The following HIVEP1 variants were observed in gnomAD, a reference collection of about 807,000 sequenced individuals.
HIVEP1 encodes zinc finger protein 40.
In HIVEP1, 36 loss-of-function variants were observed where a neutral mutation model predicts 180.0. The ratio of observed to expected loss-of-function variants is 0.20; its 90% CI spans 0.15 to 0.26. HIVEP1 has a LOEUF of 0.26. HIVEP1 is among the 10% of genes least tolerant of loss of function. HIVEP1 has a pLI of 1.00. For missense variants in HIVEP1, 3,143 were observed against 3,268.7 expected (o/e 0.96, Z 0.94); for synonymous variants, 1,239 against 1,239.0 (o/e 1.00, Z 0.00).
the HIVEP1 span, among the ~76,000 whole-genome samples, chr6:12,203,319 G>C: frequency 5.9e-5 from 9 of 152,192 alleles, no homozygotes; most frequent in Non-Finnish European, 1.3e-4. Context: ...TGCTGGGGTC[G>C]GGTAGACGAA....
At position 12,158,875 on chromosome 6, in the gene HIVEP1, C is replaced by G. The variant is rs558826290; in HGVS notation, c.6488-2564C>G. On this transcript the variant is annotated intron_variant, in intron 7 of 8. Transcript: ENST00000379388. ...CCAGGTGTAGTTCCTTGCCACTCCT[C>G]TAGAGTTACTGCTTCTCTCCCCCAT... 2.8e-4 allele frequency among the ~76,000 whole-genome samples: 43 copies of G among 152,278 alleles called. 1 individual carries two copies. Among genetic ancestry groups the G allele is most frequent in the African/African-American group, 1.0e-3 (43 of 41,554 alleles).
rs566431846 is a variant in HIVEP1 at position 12,075,084 on chromosome 6, C to T, written c.41-14100C>T. ...AACCTGTGTCTTTCTCACACCGCCC[C>T]TTTCCTCAGGGCTGACTGCAGCAGT... On this transcript the variant is annotated intron_variant, in intron 2 of 8. Transcript: ENST00000379388. Among the ~76,000 whole-genome samples, 372 of 152,358 alleles carry T rather than the reference C, an allele frequency of 2.4e-3. 2 individuals are homozygous for T. Among genetic ancestry groups the T allele is most frequent in the Non-Finnish European group, 3.9e-3 (263 of 68,034 alleles).
intron 7 of HIVEP1, among the ~76,000 whole-genome samples, chr6:12,150,653 T>C (rs1283569016): frequency 6.6e-6 from 1 of 152,154 alleles, no homozygotes; most frequent in Non-Finnish European, 1.5e-5. Context: ...ATAATAGGCT[T>C]TAGGATTTAT....
chr6:12,112,395 A>AT (rs1198256353), intron 3 of HIVEP1, among the ~76,000 whole-genome samples: 2 of 150,146 alleles, frequency 1.3e-5, no homozygotes, highest in Non-Finnish European at 3.0e-5. Flanking sequence ...TTTTCTCAGT[A>AT]TTTTTTTTAT....
At chr6:12,075,179 A>G (rs1391913573) in intron 2 of HIVEP1, among the ~76,000 whole-genome samples, 1 of 152,200 alleles carries the variant, frequency 6.6e-6, no homozygotes, top group African/African-American at 2.4e-5. Context: ...GAAGTGTACC[A>G]TGTACATTGC....
chr6:12,190,017 AAAAGG>A, the HIVEP1 span, among the ~76,000 whole-genome samples: 1 of 152,194 alleles, frequency 6.6e-6, no homozygotes, highest in Non-Finnish European at 1.5e-5. Flanking sequence ...ATACTAAGTA[AAAAGG>A]AAAGCAAATT....
upstream of HIVEP1, among the ~76,000 whole-genome samples, chr6:12,010,113 C>T (rs1459375535): frequency 6.6e-6 from 1 of 152,186 alleles, no homozygotes; most frequent in Non-Finnish European, 1.5e-5. Flanking sequence ...TGGGAAGTTA[C>T]ATTATATACT....
At chr6:12,131,525 T>C (rs1483533748) in intron 6 of HIVEP1, among the ~76,000 whole-genome samples, 1 of 151,792 alleles carries the variant, frequency 6.6e-6, no homozygotes, top group Non-Finnish European at 1.5e-5. Context: ...ATCATTAAAA[T>C]TATATTTAGG....
intron 2 of HIVEP1, chr6:12,038,014 CTG>C (rs1291714467): frequency 2.2e-5 from 8 of 366,186 alleles, no homozygotes; most frequent in Non-Finnish European, 3.4e-5. Context: ...CGCACCTAGT[CTG>C]TGGTTTTTCT....
At chr6:12,045,272 G>C (rs1330128113) in intron 2 of HIVEP1, among the ~76,000 whole-genome samples, 1 of 152,198 alleles carries the variant, frequency 6.6e-6, no homozygotes, top group Non-Finnish European at 1.5e-5. Context: ...GGTCCTGGGA[G>C]GGTGCCCTGT....
intron 2 of HIVEP1, among the ~76,000 whole-genome samples, chr6:12,056,904 T>TTGGAG (rs1256354519): frequency 6.6e-6 from 1 of 152,068 alleles, no homozygotes; most frequent in Non-Finnish European, 1.5e-5. Context: ...TGGCATGATC[T>TTGGAG]TGGCTCACTG....
intron 2 of HIVEP1, among the ~76,000 whole-genome samples, chr6:12,017,716 TCCC>T (rs1767906147): frequency 6.6e-6 from 1 of 152,212 alleles, no homozygotes; most frequent in Non-Finnish European, 1.5e-5. Flanking sequence ...GTTCTCCAGG[TCCC>T]CACTAGATTA....
chr6:12,176,666 A>G, the HIVEP1 span, among the ~76,000 whole-genome samples: 2 of 152,120 alleles, frequency 1.3e-5, no homozygotes, highest in Admixed American at 6.6e-5. Flanking sequence ...ATCCTTTAAA[A>G]AGGATACAAA....
intron 2 of HIVEP1, among the ~76,000 whole-genome samples, chr6:12,057,556 A>G (rs886945606): frequency 3.3e-5 from 5 of 152,174 alleles, no homozygotes; most frequent in African/African-American, 9.7e-5. Flanking sequence ...GGTTACCTCC[A>G]TTGTTCTGTT....
intron 2 of HIVEP1, among the ~76,000 whole-genome samples, chr6:12,079,380 GCT>G (rs1326676723): frequency 6.6e-6 from 1 of 152,016 alleles, no homozygotes. Context: ...AAAAATATAG[GCT>G]CTGGCTTTGG....
intron 2 of HIVEP1, among the ~76,000 whole-genome samples, chr6:12,025,325 C>T (rs963706900): frequency 6.6e-6 from 1 of 151,778 alleles, no homozygotes; most frequent in Admixed American, 6.6e-5. Flanking sequence ...TTTTCTTAAG[C>T]CTTTAATTGT....
At chr6:12,007,781 C>G (rs1056093704), upstream of HIVEP1, 1 of 152,056 alleles carries the variant, frequency 6.6e-6, no homozygotes, top group African/African-American at 2.4e-5. Flanking sequence ...GGATGGGACT[C>G]TGCTCACCCC....
chr6:12,153,379 GTAAT>G (rs1379266062), intron 7 of HIVEP1, among the ~76,000 whole-genome samples: 3 of 152,070 alleles, frequency 2.0e-5, no homozygotes, highest in African/African-American at 7.3e-5. Context: ...CACTTTAAAA[GTAAT>G]TAACTGCATT....
chr6:12,208,813 T>G, the HIVEP1 span, among the ~76,000 whole-genome samples: 4 of 152,104 alleles, frequency 2.6e-5, no homozygotes, highest in African/African-American at 9.7e-5. Flanking sequence ...GATCTCAGAC[T>G]CCTCCAAAAC....
Sources: allele counts gnomAD v4.1 joint callset (sites outside exome capture counted in the v4.1 genomes callset), GRCh38; gene constraint gnomAD v4.1.1; transcripts MANE v1.5; gene names NCBI Gene and HGNC (gene_info 2026-07-23, HGNC 2026-07-21).